XCR1: variants seen among roughly 807,000 people sequenced by gnomAD.
The protein encoded by XCR1 is X-C motif chemokine receptor 1.
For missense variants in XCR1, 356 were observed against 424.2 expected, an observed-to-expected ratio of 0.84 and a Z score of 1.41; for synonymous variants, 187 against 188.5, an observed-to-expected ratio of 0.99 and a Z score of 0.06.
intron 1 of XCR1, chr3:46,024,144 T>C: frequency 3.1e-6 from 2 of 650,356 alleles, no homozygotes; most frequent in Non-Finnish European, 5.5e-6. Context: ...TGAAAGGATT[T>C]ATGAATAATT....
intron 1 of XCR1, among the ~76,000 whole-genome samples, chr3:46,078,958 G>A (rs1442421727): frequency 6.6e-6 from 1 of 152,122 alleles, no homozygotes; most frequent in Non-Finnish European, 1.5e-5. Flanking sequence ...GGGACTGATC[G>A]CTCATACCTT....
intron 1 of XCR1, 116 bp from the exon 2 acceptor site, chr3:46,022,094 G>T: frequency 1.1e-6 from 1 of 904,960 alleles, no homozygotes; most frequent in Non-Finnish European, 1.6e-6. Context: ...GACCCCAGGA[G>T]TTTGAGACCA....
chr3:46,052,728 C>T (rs55974021), intron 5 of XCR1, among the ~76,000 whole-genome samples: 2,415 of 152,278 alleles, frequency 0.016, 72 homozygotes, highest in African/African-American at 0.055. Context: ...GGTGCCAGTG[C>T]GCGTTCATAA....
chr3:46,023,539 GA>G, intron 1 of XCR1: 1 of 1,541,392 alleles, frequency 6.5e-7, no homozygotes, highest in Non-Finnish European at 8.9e-7. Context: ...CCAGCGTGAG[GA>G]AAGATTGAAA....
chr3:46,078,252 A>AT (rs1263132967), intron 1 of XCR1, among the ~76,000 whole-genome samples: 1 of 152,056 alleles, frequency 6.6e-6, no homozygotes, highest in Non-Finnish European at 1.5e-5. Flanking sequence ...TGGGGTCAGC[A>AT]TTTTTGGTGC....
chr3:46,058,933 GA>G (rs200075110), intron 4 of XCR1, among the ~76,000 whole-genome samples: 1,566 of 152,264 alleles, frequency 0.01, 13 homozygotes, highest in South Asian at 0.025. Flanking sequence ...TCAGAGTGGG[GA>G]CATATGAAAA....
chr3:46,083,726 A>G (rs371397500), intron 1 of XCR1, among the ~76,000 whole-genome samples: 1 of 152,346 alleles, frequency 6.6e-6, no homozygotes. Flanking sequence ...ACATTGCTTT[A>G]GATTCTATAT....
At chr3:46,081,019 T>C (rs1698352948) in intron 1 of XCR1, among the ~76,000 whole-genome samples, 1 of 152,208 alleles carries the variant, frequency 6.6e-6, no homozygotes, top group Non-Finnish European at 1.5e-5. Flanking sequence ...TTATGTGTTT[T>C]CTCATTGGGA....
At chr3:46,066,849 T>C (rs1173038742) in intron 4 of XCR1, among the ~76,000 whole-genome samples, 2 of 152,242 alleles carry the variant, frequency 1.3e-5, no homozygotes, top group Non-Finnish European at 2.9e-5. Flanking sequence ...ACACCGACTT[T>C]ACTGAGTTGG....
chr3:46,035,615 C>T (rs1320904988), intron 5 of XCR1, among the ~76,000 whole-genome samples: 2 of 152,224 alleles, frequency 1.3e-5, no homozygotes, highest in African/African-American at 2.4e-5. Context: ...GGCCCCACTA[C>T]AGCTGGTCTC....
intron 5 of XCR1, among the ~76,000 whole-genome samples, chr3:46,045,089 A>G (rs1575421971): frequency 6.6e-6 from 1 of 152,198 alleles, no homozygotes; most frequent in South Asian, 2.1e-4. Flanking sequence ...AGACGCAAAA[A>G]GCCTCAAAAA....
upstream of XCR1, among the ~76,000 whole-genome samples, chr3:46,032,325 G>A (rs1036111277): frequency 1.3e-5 from 2 of 152,152 alleles, no homozygotes; most frequent in African/African-American, 2.4e-5. Context: ...ATTCCCTTAC[G>A]CTAGCAGGGG....
At chr3:46,059,465 A>G (rs1332436032) in intron 4 of XCR1, among the ~76,000 whole-genome samples, 1 of 152,198 alleles carries the variant, frequency 6.6e-6, no homozygotes, top group Non-Finnish European at 1.5e-5. Context: ...CACATTATTT[A>G]TAGACAGTCT....
intron 1 of XCR1, among the ~76,000 whole-genome samples, chr3:46,081,694 C>CTTT (rs66818091): frequency 1.4e-5 from 2 of 141,714 alleles, no homozygotes; most frequent in East Asian, 3.9e-4. Context: ...TTCTTTTTTT[C>CTTT]TTTTTTTTTT....
At chr3:46,041,406 T>A (rs1697535087) in intron 5 of XCR1, among the ~76,000 whole-genome samples, 1 of 152,198 alleles carries the variant, frequency 6.6e-6, no homozygotes, top group South Asian at 2.1e-4. Context: ...GGTCCTGCTA[T>A]GATTTGTCTT....
intron 5 of XCR1, among the ~76,000 whole-genome samples, chr3:46,049,625 G>A (rs1000822542): frequency 3.3e-5 from 5 of 151,094 alleles, no homozygotes; most frequent in African/African-American, 1.2e-4. Context: ...TCTAACACCT[G>A]AATGACTGCA....
At chr3:46,023,117 G>A (rs1575407802) in intron 1 of XCR1, among the ~76,000 whole-genome samples, 1 of 152,168 alleles carries the variant, frequency 6.6e-6, no homozygotes. Context: ...ACGTCATGGC[G>A]CCGTGCGGGG....
In XCR1 at chr3:46,021,418, T is replaced by TA. The variant is rs1559478789; in HGVS notation, c.529dup (p.Tyr177LeufsTer107). ...GGTGAGGTACCACGTGAGTTCGGAA[T>TA]AATCACAGCCCGAAGAAAGCACCTT... On this transcript the variant is annotated frameshift_variant, in exon 2 of 2. Coordinates refer to ENST00000309285, the MANE Select transcript of XCR1 (RefSeq NM_001024644.2). LOFTEE classifies it low-confidence loss of function (END_TRUNC). The surrounding 1 kb of genome is among the most constrained non-coding windows in gnomAD (Gnocchi z 4.7). The TA allele has an allele frequency of 6.2e-7, 1 of 1,614,030 alleles. No homozygotes were observed. Among genetic ancestry groups the TA allele is most frequent in the South Asian group, 1.1e-5 (1 of 91,078 alleles).
chr3:46,042,286 AC>A (rs1697549519), intron 5 of XCR1, among the ~76,000 whole-genome samples: 1 of 152,212 alleles, frequency 6.6e-6, no homozygotes, highest in Non-Finnish European at 1.5e-5. Flanking sequence ...GAGCAAACTA[AC>A]CCAATGCTAG....
Sources: gnomAD v4.1 joint callset for allele counts (sites outside exome capture counted in the v4.1 genomes callset) on GRCh38, gnomAD v4.1.1 for gene constraint, Gnocchi (gnomAD v3.1) non-coding constraint, MANE v1.5 for transcripts, NCBI Gene and HGNC (gene_info 2026-07-23, HGNC 2026-07-21) for gene names.